The following COL19A1 variants were observed in gnomAD, a reference collection of about 807,000 sequenced individuals.
The protein encoded by COL19A1 is collagen type XIX alpha 1 chain, also known as collagen alpha-1(XIX) chain.
Under a neutral mutation model 190.2 loss-of-function variants are expected in COL19A1, and 159 were observed. The observed-to-expected ratio is 0.84, with a 90% CI of 0.73 to 0.95. The LOEUF (loss-of-function observed/expected upper bound fraction) is 0.95. COL19A1 is among the 40% of genes least tolerant of loss of function. COL19A1 has a pLI of 0.00. For missense variants in COL19A1, 1,418 were observed against 1,431.9 expected, an observed-to-expected ratio of 0.99 and a Z score of 0.16; for synonymous variants, 509 against 458.9, an observed-to-expected ratio of 1.11 and a Z score of -1.39.
intron 14 of COL19A1, among the ~76,000 whole-genome samples, chr6:70,050,964 CT>C: frequency 6.6e-6 from 1 of 152,058 alleles, no homozygotes; most frequent in Non-Finnish European, 1.5e-5. Flanking sequence ...AGATTCTATC[CT>C]TAAATATGAA....
In COL19A1 at chr6:69,945,841, G is replaced by C. The variant is rs546353941; in HGVS notation, c.936+7741G>C. ...CAATATATTTCTTAATTTCTACCAA[G>C]TGTTAGTGACAGAGAAACTCATTCA... On this transcript the variant is annotated intron_variant, in intron 9 of 50. Coordinates refer to ENST00000620364, the MANE Select transcript of COL19A1 (RefSeq NM_001858.6). Among the ~76,000 whole-genome samples the C allele has an allele frequency of 5.9e-4, 90 of 152,084 alleles. 2 individuals are homozygous for C. The South Asian group carries it at 0.013, about 21-fold the overall frequency.
In COL19A1 at chr6:70,004,279, G is replaced by GT. The variant is rs567519477; in HGVS notation, c.1027-19348_1027-19347insT. Among the ~76,000 whole-genome samples, 430 of 140,060 alleles carry GT rather than the reference G, an allele frequency of 3.1e-3. 4 individuals carry two copies. The highest frequency in any genetic ancestry group is 0.013 in the African/African-American group (399 of 31,716). 91.9% of individuals were successfully genotyped at this position (140,060 alleles called of 152,430 possible). On this transcript the variant is annotated intron_variant, in intron 11 of 50. Transcript: ENST00000620364. ...TGGGCTTCCCTGCATAGGTGACCTG[G>GT]CCTTCTCTCTGGCTACCCTTAATAT...
At chr6:69,995,205 C>T (rs1776835696) in intron 11 of COL19A1, among the ~76,000 whole-genome samples, 1 of 152,156 alleles carries the variant, frequency 6.6e-6, no homozygotes, top group Non-Finnish European at 1.5e-5. Context: ...TCTATGGATG[C>T]ATTAGTTTAC....
intron 14 of COL19A1, among the ~76,000 whole-genome samples, chr6:70,058,744 C>T (rs1237813503): frequency 6.6e-6 from 1 of 151,682 alleles, no homozygotes; most frequent in East Asian, 1.9e-4. Flanking sequence ...CTTCTCAGAA[C>T]TAATGTAAAA....
At chr6:70,054,627 T>C (rs1026958291) in intron 14 of COL19A1, among the ~76,000 whole-genome samples, 8 of 152,200 alleles carry the variant, frequency 5.3e-5, no homozygotes, top group African/African-American at 1.9e-4. Context: ...TGTAGTACTT[T>C]TCAAGTAAAT....
At chr6:69,986,029 A>G (rs1370468278) in intron 11 of COL19A1, among the ~76,000 whole-genome samples, 1 of 151,972 alleles carries the variant, frequency 6.6e-6, no homozygotes, top group African/African-American at 2.4e-5. Context: ...CTAGAATTTG[A>G]ATATGTTTGT....
intron 4 of COL19A1, among the ~76,000 whole-genome samples, chr6:69,910,037 A>G (rs895653408): frequency 1.3e-5 from 2 of 152,110 alleles, no homozygotes; most frequent in Non-Finnish European, 2.9e-5. Flanking sequence ...TTGAATTGGT[A>G]TGATCTTAAG....
rs954601401 is a variant in COL19A1 at position 70,065,070 on chromosome 6, C to A, written c.1171-3353C>A. ...TAGATTCAATGCAATCTCCATCAAG[C>A]TACCAATGAGTTTCTTCACAGAATT... On this transcript the variant is annotated intron_variant, in intron 14 of 50. Transcript: ENST00000620364. Among the ~76,000 whole-genome samples the A allele has an allele frequency of 9.2e-5, 14 of 152,172 alleles. 1 individual carries two copies. The highest frequency in any genetic ancestry group is 7.2e-4 in the Admixed American group (11 of 15,276).
At chr6:70,018,075 T>C (rs1189666150) in intron 11 of COL19A1, among the ~76,000 whole-genome samples, 4 of 151,968 alleles carry the variant, frequency 2.6e-5, no homozygotes, top group Non-Finnish European at 5.9e-5. Flanking sequence ...TCAGTGTGGT[T>C]AGAAAGAAGT....
intron 25 of COL19A1, among the ~76,000 whole-genome samples, chr6:70,145,812 CG>C (rs139937143): frequency 0.025 from 3,785 of 150,982 alleles, 90 homozygotes; most frequent in Non-Finnish European, 0.033. Flanking sequence ...CCTCCACCTC[CG>C]GGATTCAAGT....
intron 16 of COL19A1, among the ~76,000 whole-genome samples, chr6:70,111,282 A>G (rs1256533764): frequency 2.0e-5 from 3 of 152,206 alleles, no homozygotes; most frequent in Non-Finnish European, 4.4e-5. Context: ...ATAGCTTAGT[A>G]TGATCAAAGT....
chr6:70,135,723 A>C (rs1026584114), intron 18 of COL19A1, among the ~76,000 whole-genome samples: 2 of 152,184 alleles, frequency 1.3e-5, no homozygotes, highest in African/African-American at 4.8e-5. Flanking sequence ...TTAAGGGATC[A>C]GAGGGCAAGG....
chr6:70,177,687 C>T (rs1765901498), intron 42 of COL19A1, among the ~76,000 whole-genome samples: 2 of 152,210 alleles, frequency 1.3e-5, no homozygotes, highest in African/African-American at 4.8e-5. Context: ...CACTACTGCC[C>T]CACTCACAGC....
At chr6:70,107,279 A>G (rs534061083) in intron 16 of COL19A1, among the ~76,000 whole-genome samples, 4 of 152,312 alleles carry the variant, frequency 2.6e-5, no homozygotes, top group South Asian at 2.1e-4. Flanking sequence ...GTTGCAATCA[A>G]TGGCACTATC....
chr6:69,901,742 T>C (rs1770205496), intron 4 of COL19A1, among the ~76,000 whole-genome samples: 1 of 152,216 alleles, frequency 6.6e-6, no homozygotes, highest in African/African-American at 2.4e-5. Context: ...AGGCAATACA[T>C]TCTGTTTAAA....
chr6:70,019,459 G>T (rs78250920), intron 11 of COL19A1, among the ~76,000 whole-genome samples: 15,100 of 152,034 alleles, frequency 0.099, 806 homozygotes, highest in East Asian at 0.2. Flanking sequence ...TTATATTCAA[G>T]TTCACTACTT....
rs547549010 is a variant in COL19A1 at position 70,190,788 on chromosome 6, A to G, written c.3094+407A>G. Among the ~76,000 whole-genome samples the G allele has an allele frequency of 1.3e-3, 195 of 152,312 alleles. 1 individual carries two copies. Among genetic ancestry groups the G allele is most frequent in the Non-Finnish European group, 2.0e-3 (134 of 68,024 alleles). On this transcript the variant is annotated intron_variant, in intron 48 of 50. Coordinates refer to ENST00000620364, the MANE Select transcript of COL19A1 (RefSeq NM_001858.6). ...CATTTACCAAGGAATATTTTGACCAATGCAGAGTAGTGTCTTTTTATTTAG... is the reference window on the plus strand; with the variant it reads ...CATTTACCAAGGAATATTTTGACCAGTGCAGAGTAGTGTCTTTTTATTTAG...
chr6:70,031,360 A>G (rs1779063866), intron 12 of COL19A1, among the ~76,000 whole-genome samples: 1 of 152,134 alleles, frequency 6.6e-6, no homozygotes, highest in Admixed American at 6.6e-5. Context: ...ATTTTTTAAA[A>G]GTATGCTTAT....
chr6:70,048,150 C>T (rs1562118742), intron 14 of COL19A1, among the ~76,000 whole-genome samples: 1 of 151,998 alleles, frequency 6.6e-6, no homozygotes, highest in African/African-American at 2.4e-5. Flanking sequence ...AGAAATTACG[C>T]ACAGAGAGGG....
Sources: gnomAD v4.1 joint callset for allele counts (sites outside exome capture counted in the v4.1 genomes callset) on GRCh38, gnomAD v4.1.1 for gene constraint, MANE v1.5 for transcripts, NCBI Gene and HGNC (gene_info 2026-07-23, HGNC 2026-07-21) for gene names.